The following PCDHA10 variants were observed in gnomAD, a reference collection of about 807,000 sequenced individuals.
The protein encoded by PCDHA10 is protocadherin alpha 10.
A neutral mutation model predicts 61.2 loss-of-function variants in PCDHA10; 45 were observed. That is an observed-to-expected ratio of 0.74 (90% CI 0.58 to 0.94). The LOEUF is 0.94. Ranked by LOEUF, PCDHA10 falls within the 40% of genes least tolerant of loss-of-function variation. The pLI is 0.00. For synonymous variants in PCDHA10, 602 were observed against 548.8 expected (o/e 1.10, Z -1.35); for missense variants, 1,278 against 1,236.2 (o/e 1.03, Z -0.51).
intron 1 of PCDHA10, among the ~76,000 whole-genome samples, chr5:140,906,526 CAATT>C (rs1554192570): frequency 6.6e-6 from 1 of 152,190 alleles, no homozygotes; most frequent in Non-Finnish European, 1.5e-5. Context: ...ATACTCACGA[CAATT>C]AAAATCCTCA....
chr5:140,862,992 C>T (rs781974665), intron 1 of PCDHA10: 29 of 548,250 alleles, frequency 5.3e-5, no homozygotes, highest in South Asian at 3.7e-4. Context: ...AAGGTGCGCA[C>T]GGTGGACTCC....
chr5:140,929,174 G>C, intron 1 of PCDHA10: 1 of 1,614,140 alleles, frequency 6.2e-7, no homozygotes, highest in South Asian at 1.1e-5. Flanking sequence ...GCCTCTCTGG[G>C]ACTTGGTTCT....
chr5:140,956,243 C>T (rs2095270530), intron 1 of PCDHA10, among the ~76,000 whole-genome samples: 1 of 152,142 alleles, frequency 6.6e-6, no homozygotes, highest in African/African-American at 2.4e-5. Flanking sequence ...AAGGGGAATG[C>T]TTCCAGGTTT....
At chr5:140,889,331 T>A (rs2153427061) in intron 1 of PCDHA10, among the ~76,000 whole-genome samples, 1 of 152,216 alleles carries the variant, frequency 6.6e-6, no homozygotes, top group Middle Eastern at 3.4e-3. Flanking sequence ...ATCAGGATTT[T>A]GATTGGTGGG....
At chr5:140,870,777 C>G in intron 1 of PCDHA10, 3 of 1,613,612 alleles carry the variant, frequency 1.9e-6, no homozygotes, top group East Asian at 4.5e-5. Context: ...TGGACGAGAA[C>G]GACAACGCGC....
intron 1 of PCDHA10, among the ~76,000 whole-genome samples, chr5:140,946,310 A>G (rs562859671): frequency 2.6e-5 from 4 of 152,074 alleles, no homozygotes; most frequent in African/African-American, 4.8e-5. Context: ...TAGAATGGCT[A>G]TTATTGAAAG....
chr5:140,937,812 T>A (rs930837901), intron 1 of PCDHA10, among the ~76,000 whole-genome samples: 3 of 150,742 alleles, frequency 2.0e-5, no homozygotes, highest in Non-Finnish European at 4.4e-5. Flanking sequence ...CTCGGGAAGC[T>A]GAGGCAGGAG....
rs2098417240 is a variant in PCDHA10 at position 141,010,418 on chromosome 5, G to A, written c.*481G>A. Reference sequence around the variant, plus strand: ...AGCCAGCTTAGACTAATTGGTACAAGGAAGGCAAGAAAACAAAGACAAATA... The same window carrying A: ...AGCCAGCTTAGACTAATTGGTACAAAGAAGGCAAGAAAACAAAGACAAATA... On this transcript the variant is annotated 3_prime_UTR_variant, in exon 4 of 4. Coordinates refer to ENST00000307360, the MANE Select transcript of PCDHA10 (RefSeq NM_018901.4). The A allele has an allele frequency of 3.4e-6, 4 of 1,168,142 alleles. No homozygotes were observed. The East Asian group carries it at 1.0e-4, about 30-fold the overall frequency. The allele number at this position is 1,168,142 out of a possible 1,614,324, so 72.4% of individuals were successfully genotyped here. A position where few individuals can be genotyped will look rare whatever the true frequency, so the allele number is the denominator to read the frequency against.
chr5:140,899,101 G>T (rs1554188394), intron 1 of PCDHA10, among the ~76,000 whole-genome samples: 5 of 152,096 alleles, frequency 3.3e-5, no homozygotes, highest in Non-Finnish European at 7.4e-5. Context: ...CTGAGATAAT[G>T]GGGTTTTCTA....
chr5:140,982,265 G>A lies in PCDHA10; in HGVS notation c.2448-210G>A, dbSNP rs2096974278. ...ATAAAGATAGAACATGTGTGTTCCT[G>A]GAATAGTATAGCAGGCAATAAGTAA... On this transcript the variant is annotated intron_variant, in intron 2 of 3. Transcript: ENST00000307360. 7 of 870,768 alleles carry A rather than the reference G, an allele frequency of 8.0e-6. No individual in the cohort carries two copies. In the Admixed American group the frequency reaches 1.6e-4, roughly 20 times the overall value. 53.9% of individuals were successfully genotyped at this position (870,768 alleles called of 1,614,324 possible).
chr5:141,000,393 CTCTA>C (rs1240848742), intron 3 of PCDHA10, among the ~76,000 whole-genome samples: 128 of 52,788 alleles, frequency 2.4e-3, no homozygotes, highest in Admixed American at 6.8e-3. Context: ...CTCTCTCTCT[CTCTA>C]TATATATATA....
chr5:140,933,645 G>A lies in PCDHA10; in HGVS notation c.2389-45304G>A, dbSNP rs1014286392. Among the ~76,000 whole-genome samples the A allele has an allele frequency of 3.3e-5, 5 of 151,892 alleles. No individual in the cohort carries two copies. The South Asian group carries it at 8.3e-4, about 25-fold the overall frequency. On this transcript the variant is annotated intron_variant, in intron 1 of 3. Transcript: ENST00000307360. ...TAGGCTGGCCCTGTTAAACAAGTTG[G>A]AAATCCTGTCTCTCTCTCTGTCTCT...
intron 1 of PCDHA10, among the ~76,000 whole-genome samples, chr5:140,964,435 C>G (rs2095833359): frequency 6.6e-6 from 1 of 152,108 alleles, no homozygotes; most frequent in African/African-American, 2.4e-5. Context: ...AATTACCAAG[C>G]CTCTGCCACT....
chr5:140,952,442 A>G (rs1431756877), intron 1 of PCDHA10, among the ~76,000 whole-genome samples: 1 of 152,178 alleles, frequency 6.6e-6, no homozygotes, highest in African/African-American at 2.4e-5. Context: ...CAGGCATAAT[A>G]CAGCCAGGCT....
At chr5:140,870,021 TTTAGA>T (rs782664085) in intron 1 of PCDHA10, 39 of 1,613,464 alleles carry the variant, frequency 2.4e-5, no homozygotes, top group Non-Finnish European at 3.1e-5. Flanking sequence ...TCAATGGAAC[TTTAGA>T]TTATGAAGAA....
intron 1 of PCDHA10, chr5:140,875,971 C>A (rs17844352): frequency 1.1e-5 from 17 of 1,614,030 alleles, no homozygotes; most frequent in Non-Finnish European, 1.4e-5. Flanking sequence ...CGTAAACTCT[C>A]TTTTGACCTA....
At chr5:140,998,405 G>C (rs144117915) in intron 3 of PCDHA10, among the ~76,000 whole-genome samples, 226 of 152,208 alleles carry the variant, frequency 1.5e-3, no homozygotes, top group African/African-American at 5.2e-3. Flanking sequence ...TTATGCCAAA[G>C]TTTATCTACC....
intron 1 of PCDHA10, chr5:140,966,338 A>C (rs2095992774): frequency 2.5e-6 from 1 of 394,586 alleles, no homozygotes; most frequent in Non-Finnish European, 4.5e-6. Flanking sequence ...CGGCAGGTCC[A>C]GGGTGAAGGA....
At chr5:140,956,949 A>G (rs1027198370) in intron 1 of PCDHA10, among the ~76,000 whole-genome samples, 5 of 140,514 alleles carry the variant, frequency 3.6e-5, no homozygotes, top group African/African-American at 1.3e-4. Flanking sequence ...TTTACATTAA[A>G]ACACTGTAAT....
Sources: allele counts gnomAD v4.1 joint callset (sites outside exome capture counted in the v4.1 genomes callset), GRCh38; gene constraint gnomAD v4.1.1; transcripts MANE v1.5; gene names NCBI Gene and HGNC (gene_info 2026-07-23, HGNC 2026-07-21).